MAGI2: variants seen among roughly 807,000 people sequenced by gnomAD.
The protein encoded by MAGI2 is membrane associated guanylate kinase, WW and PDZ domain containing 2.
In MAGI2, 35 loss-of-function variants were observed where a neutral mutation model predicts 133.3. The ratio of observed to expected loss-of-function variants is 0.26; its 90% CI spans 0.20 to 0.35. The LOEUF (loss-of-function observed/expected upper bound fraction) is 0.35, where lower values mean the gene tolerates loss of function less well. Among genes scored for constraint, MAGI2 ranks in the 10% least tolerant of loss-of-function variants. MAGI2 has a pLI of 1.00. For synonymous variants in MAGI2, 729 were observed against 710.6 expected (o/e 1.03, Z -0.41); for missense variants, 1,636 against 1,863.4 (o/e 0.88, Z 2.25).
chr7:79,237,209 A>G (rs1197296863), intron 1 of MAGI2, among the ~76,000 whole-genome samples: 1 of 152,220 alleles, frequency 6.6e-6, no homozygotes, highest in Non-Finnish European at 1.5e-5. Flanking sequence ...AAAGTTTTAT[A>G]CACTTGCCGG....
chr7:79,411,123 G>C (rs572937933), intron 1 of MAGI2: 52 of 152,246 alleles, frequency 3.4e-4, no homozygotes, highest in African/African-American at 1.3e-3. Context: ...GAAGTTTTCA[G>C]CAGGGATGCA....
rs117385143 is a variant in MAGI2, at chr7:78,296,114, G to C, written c.1409-39533C>G. ...GTCCTGCTTCTACTCTTGCCCCAGA[G>C]AGTCCATTGTCAATCAGAGTATTAC... On this transcript the variant is annotated intron_variant, in intron 9 of 21. Transcript: ENST00000354212. 1.3e-3 allele frequency among the ~76,000 whole-genome samples: 191 copies of C among 152,216 alleles called. 4 individuals carry two copies. In the East Asian group the frequency reaches 0.035, roughly 28 times the overall value.
chr7:78,347,252 A>AT (rs1791016623), intron 7 of MAGI2: 2 of 152,374 alleles, frequency 1.3e-5, no homozygotes, highest in Non-Finnish European at 1.5e-5. Context: ...GAAAGGAGAC[A>AT]GAAGCAGCAA....
chr7:79,024,604 A>G (rs1207178096), intron 1 of MAGI2, among the ~76,000 whole-genome samples: 2 of 152,114 alleles, frequency 1.3e-5, no homozygotes, highest in Non-Finnish European at 2.9e-5. Context: ...TGCAAACTAT[A>G]CAACCAACAA....
At chr7:78,763,015 T>C (rs1158759134) in intron 2 of MAGI2, among the ~76,000 whole-genome samples, 2 of 152,214 alleles carry the variant, frequency 1.3e-5, no homozygotes, top group African/African-American at 2.4e-5. Context: ...TAGAGCATTC[T>C]ATAGCTTGGG....
intron 9 of MAGI2, among the ~76,000 whole-genome samples, chr7:78,280,869 A>AG (rs1448159331): frequency 2.4e-4 from 36 of 151,764 alleles, no homozygotes; most frequent in African/African-American, 8.5e-4. Flanking sequence ...AAAAAAAAAA[A>AG]AAAAAAATTG....
intron 10 of MAGI2, among the ~76,000 whole-genome samples, chr7:78,219,694 G>A (rs552367813): frequency 1.3e-5 from 2 of 152,230 alleles, no homozygotes; most frequent in African/African-American, 4.8e-5. Context: ...CAGTCATGGT[G>A]CTATAGCAAA....
At chr7:78,619,851 A>G (rs11770702) in intron 3 of MAGI2, among the ~76,000 whole-genome samples, 7,033 of 152,098 alleles carry the variant, frequency 0.046, 232 homozygotes, top group East Asian at 0.083. Flanking sequence ...TACTGGTCAA[A>G]TAAACATTTA....
At chr7:78,489,245 G>C (rs558108774) in intron 6 of MAGI2, among the ~76,000 whole-genome samples, 3 of 152,130 alleles carry the variant, frequency 2.0e-5, no homozygotes, top group Admixed American at 1.3e-4. Context: ...TTAGAATATT[G>C]AGAACTGGAA....
At chr7:78,470,245 T>C (rs1042723927) in intron 6 of MAGI2, among the ~76,000 whole-genome samples, 3 of 152,178 alleles carry the variant, frequency 2.0e-5, no homozygotes, top group Admixed American at 1.3e-4. Context: ...TTGTAAGTAA[T>C]ATGCTACATT....
At chr7:78,312,360 T>C (rs1293808835) in intron 9 of MAGI2, among the ~76,000 whole-genome samples, 1 of 152,138 alleles carries the variant, frequency 6.6e-6, no homozygotes, top group Admixed American at 6.5e-5. Flanking sequence ...AGACATCCAG[T>C]TCTGCAATGA....
chr7:78,401,978 A>G (rs1184764634), intron 6 of MAGI2, among the ~76,000 whole-genome samples: 2 of 151,664 alleles, frequency 1.3e-5, no homozygotes, highest in Non-Finnish European at 2.9e-5. Context: ...CCTAAGTCCT[A>G]TTCAACCTCT....
intron 9 of MAGI2, among the ~76,000 whole-genome samples, chr7:78,324,477 T>C (rs1788375413): frequency 1.3e-5 from 2 of 152,226 alleles, no homozygotes; most frequent in African/African-American, 2.4e-5. Flanking sequence ...GCTAGTTTCT[T>C]ACCTTTCCTA....
chr7:79,065,513 T>C (rs1814215840), intron 1 of MAGI2, among the ~76,000 whole-genome samples: 1 of 152,116 alleles, frequency 6.6e-6, no homozygotes, highest in Non-Finnish European at 1.5e-5. Flanking sequence ...TTATTTTTAT[T>C]ATAATATGGT....
At chr7:78,252,487 T>G (rs1052927434) in intron 10 of MAGI2, 1 of 150,116 alleles carries the variant, frequency 6.7e-6, no homozygotes, top group African/African-American at 2.5e-5. Flanking sequence ...AAAATGAAGT[T>G]AGGCCCTTAA....
intron 3 of MAGI2, among the ~76,000 whole-genome samples, chr7:78,577,359 TTAATA>T (rs1323964619): frequency 6.6e-6 from 1 of 152,148 alleles, no homozygotes; most frequent in African/African-American, 2.4e-5. Context: ...AATTAAAAGA[TTAATA>T]TGAGTCAGCA....
chr7:79,004,414 A>G (rs1327637257), intron 2 of MAGI2, among the ~76,000 whole-genome samples: 4 of 152,218 alleles, frequency 2.6e-5, no homozygotes, highest in Admixed American at 2.6e-4. Context: ...AGTTGATTCC[A>G]TGGAGATAGA....
At chr7:79,111,420 CA>C (rs1463768290) in intron 1 of MAGI2, among the ~76,000 whole-genome samples, 1 of 152,060 alleles carries the variant, frequency 6.6e-6, no homozygotes, top group Non-Finnish European at 1.5e-5. Context: ...AATACCTTGG[CA>C]ATATAGAAAA....
chr7:78,198,428 G>GT (rs398066996), intron 11 of MAGI2, among the ~76,000 whole-genome samples: 21,971 of 97,298 alleles, frequency 0.23, 2,989 homozygotes, highest in Admixed American at 0.28. Flanking sequence ...GGCTGTGGCC[G>GT]TTTTTTTTTT....
Sources: gnomAD v4.1 joint callset for allele counts (sites outside exome capture counted in the v4.1 genomes callset) on GRCh38, gnomAD v4.1.1 for gene constraint, MANE v1.5 for transcripts, NCBI Gene and HGNC (gene_info 2026-07-23, HGNC 2026-07-21) for gene names.